The following FSTL5 variants were observed in gnomAD, a reference collection of about 807,000 sequenced individuals.
The protein encoded by FSTL5 is follistatin like 5, also known as follistatin-related protein 5.
In FSTL5, 62 loss-of-function variants were observed where a neutral mutation model predicts 89.1. The observed-to-expected ratio is 0.70, with a 90% confidence interval of 0.57 to 0.86. The LOEUF (loss-of-function observed/expected upper bound fraction) is 0.86, where lower values mean the gene tolerates loss of function less well. Among genes scored for constraint, FSTL5 ranks in the 40% least tolerant of loss-of-function variants. The pLI is 0.00. For synonymous variants in FSTL5, 383 were observed against 346.2 expected (o/e 1.11, Z -1.18); for missense variants, 1,057 against 1,001.6 (o/e 1.06, Z -0.75).
intron 1 of FSTL5, among the ~76,000 whole-genome samples, chr4:162,135,368 A>T (rs1033973044): frequency 3.9e-5 from 6 of 152,048 alleles, no homozygotes; most frequent in Admixed American, 3.9e-4. Flanking sequence ...CCTTCATTGT[A>T]GGCATTTATA....
chr4:161,904,172 A>G (rs1317838796), intron 4 of FSTL5, among the ~76,000 whole-genome samples: 2 of 152,028 alleles, frequency 1.3e-5, no homozygotes, highest in East Asian at 1.9e-4. Flanking sequence ...GAGACTCACA[A>G]GCAAAAAAAA....
chr4:161,905,512 C>T (rs1440605), intron 4 of FSTL5, among the ~76,000 whole-genome samples: 78,876 of 151,784 alleles, frequency 0.52, 20,961 homozygotes, highest in Middle Eastern at 0.68. Context: ...AGTATGTGCT[C>T]ATTTATTTAT....
chr4:162,095,362 T>C (rs1447253469), intron 2 of FSTL5, among the ~76,000 whole-genome samples: 2 of 152,136 alleles, frequency 1.3e-5, no homozygotes, highest in Non-Finnish European at 2.9e-5. Flanking sequence ...ATAATGTTTC[T>C]CAGACTTTAA....
At chr4:161,636,467 T>C (rs1459706861) in intron 7 of FSTL5, among the ~76,000 whole-genome samples, 2 of 150,424 alleles carry the variant, frequency 1.3e-5, no homozygotes, top group Non-Finnish European at 3.0e-5. Flanking sequence ...TTTCTTTTTT[T>C]TTTTTTTATT....
intron 2 of FSTL5, chr4:162,043,074 T>C (rs1173240109): frequency 6.6e-6 from 1 of 151,988 alleles, no homozygotes; most frequent in East Asian, 1.9e-4. Flanking sequence ...TGTGCACATG[T>C]ACCCTAAAAC....
intron 4 of FSTL5, among the ~76,000 whole-genome samples, chr4:161,904,943 T>C (rs1733478785): frequency 6.6e-6 from 1 of 151,910 alleles, no homozygotes; most frequent in African/African-American, 2.4e-5. Context: ...TTTTTAAATG[T>C]ATATTTATGA....
intron 3 of FSTL5, among the ~76,000 whole-genome samples, chr4:161,998,220 C>A (rs1378235115): frequency 1.3e-5 from 2 of 152,058 alleles, no homozygotes; most frequent in Admixed American, 6.6e-5. Flanking sequence ...TAATTGTATA[C>A]CCCCTGACTT....
chr4:162,083,480 C>G (rs188044559), intron 2 of FSTL5, among the ~76,000 whole-genome samples: 4 of 151,292 alleles, frequency 2.6e-5, no homozygotes, highest in Admixed American at 2.0e-4. Flanking sequence ...GATAAATATA[C>G]GTTTTTCATT....
chr4:162,022,094 GAA>G (rs763770404), intron 3 of FSTL5, among the ~76,000 whole-genome samples: 3 of 122,042 alleles, frequency 2.5e-5, no homozygotes, highest in Admixed American at 8.4e-5. Flanking sequence ...CTGTCTCAGG[GAA>G]AAAAAAAAAA....
intron 15 of FSTL5, among the ~76,000 whole-genome samples, chr4:161,449,671 G>A (rs1733087233): frequency 6.6e-6 from 1 of 152,132 alleles, no homozygotes; most frequent in Non-Finnish European, 1.5e-5. Flanking sequence ...GGGAGAGATA[G>A]GAGAAGAAAT....
chr4:162,129,229 G>A (rs975682815), intron 1 of FSTL5, among the ~76,000 whole-genome samples: 2 of 152,116 alleles, frequency 1.3e-5, no homozygotes, highest in African/African-American at 4.8e-5. Flanking sequence ...GACGGCGCCT[G>A]GCCGAGACTT....
At chr4:161,920,061 A>G (rs1389903325) in intron 4 of FSTL5, among the ~76,000 whole-genome samples, 1 of 152,202 alleles carries the variant, frequency 6.6e-6, no homozygotes, top group Non-Finnish European at 1.5e-5. Flanking sequence ...TAGTCCCTCA[A>G]TTCCACTCCA....
intron 4 of FSTL5, among the ~76,000 whole-genome samples, chr4:161,834,710 A>C (rs1730974561): frequency 6.6e-6 from 1 of 152,152 alleles, no homozygotes; most frequent in Admixed American, 6.5e-5. Context: ...CAATTGCTTC[A>C]AAGGAATAAA....
chr4:161,665,642 G>GTT (rs2126692253), intron 6 of FSTL5, among the ~76,000 whole-genome samples: 1 of 152,208 alleles, frequency 6.6e-6, no homozygotes, highest in African/African-American at 2.4e-5. Context: ...CAAGAAAGCA[G>GTT]TAAGATGATA....
At chr4:161,704,947 GAT>G (rs1311968537) in intron 6 of FSTL5, among the ~76,000 whole-genome samples, 1 of 151,864 alleles carries the variant, frequency 6.6e-6, no homozygotes, top group African/African-American at 2.4e-5. Flanking sequence ...CTAAAATTCA[GAT>G]ATGATTTATT....
chr4:162,063,286 A>C (rs1738781672), intron 2 of FSTL5, among the ~76,000 whole-genome samples: 1 of 151,866 alleles, frequency 6.6e-6, no homozygotes, highest in African/African-American at 2.4e-5. Context: ...AAATATACAT[A>C]GTTTTAAATA....
chr4:162,046,152 C>T (rs1483558), intron 2 of FSTL5, among the ~76,000 whole-genome samples: 65,550 of 151,868 alleles, frequency 0.43, 14,913 homozygotes, highest in Middle Eastern at 0.56. Flanking sequence ...TTATTTGGAA[C>T]GTACATGTCT....
chr4:161,663,676 A>AT (rs1306427671), intron 6 of FSTL5, among the ~76,000 whole-genome samples: 2 of 152,064 alleles, frequency 1.3e-5, no homozygotes, highest in Non-Finnish European at 2.9e-5. Context: ...TGGAGCTACC[A>AT]TTCTGAGGTC....
chr4:161,876,334 C>T (rs957320745), intron 4 of FSTL5, among the ~76,000 whole-genome samples: 1 of 152,000 alleles, frequency 6.6e-6, no homozygotes, highest in South Asian at 2.1e-4. Context: ...CAAGAGGAAA[C>T]ATTAAATTAT....
Sources: gnomAD v4.1 joint callset for allele counts (sites outside exome capture counted in the v4.1 genomes callset) on GRCh38, gnomAD v4.1.1 for gene constraint, MANE v1.5 for transcripts, NCBI Gene and HGNC (gene_info 2026-07-23, HGNC 2026-07-21) for gene names.